COL17A1: variants seen among roughly 807,000 people sequenced by gnomAD.
The protein encoded by COL17A1 is collagen alpha-1(XVII) chain.
Under a neutral mutation model 218.4 loss-of-function variants are expected in COL17A1, and 181 were observed. The ratio of observed to expected loss-of-function variants is 0.83; its 90% confidence interval spans 0.73 to 0.94. The LOEUF is 0.94. COL17A1 is among the 40% of genes least tolerant of loss of function. The probability of loss-of-function intolerance (pLI) is 0.00; values close to 1 mark genes in which losing one functional copy is unlikely to be tolerated. For missense variants in COL17A1, 1,924 were observed against 1,945.9 expected, an observed-to-expected ratio of 0.99 and a Z score of 0.21; for synonymous variants, 721 against 731.0, an observed-to-expected ratio of 0.99 and a Z score of 0.22.
intron 55 of COL17A1, among the ~76,000 whole-genome samples, 181 bp from the exon 56 acceptor site, chr10:104,032,471 C>T (rs537205346): frequency 2.0e-5 from 3 of 152,260 alleles, no homozygotes; most frequent in African/African-American, 2.4e-5. Flanking sequence ...TCTCCTTTTC[C>T]TCCCTGCTTT....
Position 104,074,235 on chromosome 10 carries a change from G to A in COL17A1, c.332-4C>T, listed in dbSNP as rs1172193529. 1 of 1,614,198 alleles carries A rather than the reference G, an allele frequency of 6.2e-7. No homozygotes were observed. On this transcript the variant is annotated splice_region_variant and splice_polypyrimidine_tract_variant and intron_variant, in intron 5 of 55. Coordinates refer to ENST00000648076, the MANE Select transcript of COL17A1 (RefSeq NM_000494.4). ...GAAGAGTTGCCACTGGAGCTCCCTGGAGAGGGGATGAAACACTTAGAACAA... is the reference window on the plus strand; with the variant it reads ...GAAGAGTTGCCACTGGAGCTCCCTGAAGAGGGGATGAAACACTTAGAACAA...
In COL17A1 at chr10:104,033,477, A is replaced by T. The variant is rs191275076; in HGVS notation, c.4157-102T>A. On this transcript the variant is annotated intron_variant, in intron 52 of 55. Transcript: ENST00000648076. ...GAGTGTCAAACTCCCAAAGCAGTTG[A>T]ACTAGATCAAGCCGCAGCAAGGGTG... is the stretch of plus-strand genomic sequence containing the variant. The T allele has an allele frequency of 2.3e-4, 325 of 1,395,618 alleles. 2 individuals carry two copies. In the East Asian group the frequency reaches 5.4e-3, roughly 23 times the overall value. 86.5% of individuals were successfully genotyped at this position (1,395,618 alleles called of 1,614,324 possible). A position where few individuals can be genotyped will look rare whatever the true frequency, so the allele number is the denominator to read the frequency against.
At position 104,050,855 on chromosome 10, in the gene COL17A1, A is replaced by C; in HGVS notation, c.2085T>G (p.Gly695=). 1.2e-6 allele frequency: 2 copies of C among 1,613,972 alleles called. No homozygotes were observed. The highest frequency in any genetic ancestry group is 1.7e-6 in the Non-Finnish European group (2 of 1,180,026). The stretch of plus-strand genomic sequence containing the variant: ...GGCCTCCCTCCAGCTTACCTTTGAC[A>C]CCAGGAAGTCCTACTTCACCTCGGA... ...QGLRGEVGLP[G]VKGDKGPMGP... The change falls in exon 26 of 56, where the codon GGT becomes GGG. Residue 695 remains glycine (G), a synonymous_variant. Transcript: ENST00000648076.
chr10:104,035,625 G>A, intron 48 of COL17A1, 62 bp from the exon 49 acceptor site: 1 of 1,331,378 alleles, frequency 7.5e-7, no homozygotes. Context: ...TGTCAGAGAG[G>A]AGGTCGGATA....
intron 17 of COL17A1, among the ~76,000 whole-genome samples, chr10:104,056,229 G>A (rs1307047412): frequency 1.3e-5 from 2 of 152,228 alleles, no homozygotes; most frequent in Non-Finnish European, 2.9e-5. Context: ...CTTCTCATCT[G>A]AGCTGGGTGA....
In COL17A1 at chr10:104,070,691, T is replaced by A. The variant is rs2086662264; in HGVS notation, c.464-122A>T. 3.8e-6 allele frequency: 6 copies of A among 1,597,392 alleles called. No individual in the cohort carries two copies. In the Admixed American group the frequency reaches 8.5e-5, roughly 22 times the overall value. On this transcript the variant is annotated intron_variant, in intron 8 of 55. Transcript: ENST00000648076. ...GGAGAATGGCATCTGCCTCACACAT[T>A]GGAACTTTTTGCTTGGCTTTATAAT...
At chr10:104,040,716 C>T (rs1421131648) in intron 39 of COL17A1, among the ~76,000 whole-genome samples, 1 of 152,100 alleles carries the variant, frequency 6.6e-6, no homozygotes, top group East Asian at 1.9e-4. Flanking sequence ...AAAGTTATTT[C>T]CACAAGTTTC....
At chr10:104,082,043 C>A (rs1355118077) in intron 1 of COL17A1, among the ~76,000 whole-genome samples, 1 of 152,194 alleles carries the variant, frequency 6.6e-6, no homozygotes, top group African/African-American at 2.4e-5. Flanking sequence ...ACCAGCTGAT[C>A]AACGATCTGG....
intron 29 of COL17A1, 42 bp downstream of exon 29, chr10:104,049,367 C>T (rs746799788): frequency 3.1e-6 from 5 of 1,595,706 alleles, no homozygotes; most frequent in Non-Finnish European, 4.3e-6. Context: ...GGTGACCCCT[C>T]AGATGGGGAA....
intron 47 of COL17A1, 106 bp from the exon 48 acceptor site, chr10:104,036,738 C>T: frequency 7.2e-7 from 1 of 1,394,584 alleles, no homozygotes; most frequent in Non-Finnish European, 9.9e-7. Context: ...TCCTGCGTGA[C>T]ATTTGTGAGT....
chr10:104,050,735 C>T, intron 26 of COL17A1, 79 bp from the exon 27 acceptor site: 2 of 1,614,138 alleles, frequency 1.2e-6, no homozygotes, highest in Non-Finnish European at 1.7e-6. Context: ...TCTCTGAAGA[C>T]AGGCTCCCTC....
In COL17A1 at chr10:104,062,720, C is replaced by T. The variant is rs181247595; in HGVS notation, c.839-391G>A. On this transcript the variant is annotated intron_variant, in intron 11 of 55. Coordinates refer to ENST00000648076, the MANE Select transcript of COL17A1 (RefSeq NM_000494.4). ...TAAGCTTAGGATATGGACACAGACA[C>T]CTCGGGTGCTGAGAGGCACTAACTT... Among the ~76,000 whole-genome samples the T allele has an allele frequency of 5.3e-5, 8 of 152,304 alleles. No homozygotes were observed. The East Asian group carries it at 1.5e-3, about 29-fold the overall frequency.
chr10:104,071,962 A>G, intron 8 of COL17A1, 70 bp downstream of exon 8: 1 of 1,603,576 alleles, frequency 6.2e-7, no homozygotes, highest in South Asian at 1.1e-5. Flanking sequence ...GCATGCACAC[A>G]CACACACACA....
chr10:104,032,350 G>T, intron 55 of COL17A1, 60 bp from the exon 56 acceptor site: 1 of 1,489,480 alleles, frequency 6.7e-7, no homozygotes, highest in Non-Finnish European at 9.4e-7. Context: ...GGGGATCTTG[G>T]CTTGGGCAAT....
At position 104,055,076 on chromosome 10, in the gene COL17A1, T is replaced by C. The variant is rs1305753253; in HGVS notation, c.1718-69A>G. 3.7e-6 allele frequency: 6 copies of C among 1,605,724 alleles called. No individual in the cohort carries two copies. The African/African-American group carries it at 6.7e-5, about 18-fold the overall frequency. On this transcript the variant is annotated intron_variant, in intron 19 of 55. Transcript: ENST00000648076. ...CCAAAGGCCATACTCTGCCTTGTAT[T>C]TTAAAACCATTTGACAAGATGTAAA...
intron 5 of COL17A1, among the ~76,000 whole-genome samples, chr10:104,074,826 G>A (rs2086696759): frequency 6.6e-6 from 1 of 152,110 alleles, no homozygotes; most frequent in African/African-American, 2.4e-5. Context: ...AGAGTGTCTG[G>A]GCCTTACTCC....
rs1291236764 is a variant in COL17A1, at chr10:104,032,137, A to T, written c.*98T>A. ...AGGTTGGCTGTGCTGTCTCAGTAGG[A>T]CATTGACAGACTCCAGCTTTCACCC... On this transcript the variant is annotated 3_prime_UTR_variant, in exon 56 of 56. Coordinates refer to ENST00000648076, the MANE Select transcript of COL17A1 (RefSeq NM_000494.4). 2.2e-6 allele frequency: 2 copies of T among 903,058 alleles called. No homozygotes were observed. Among genetic ancestry groups the T allele is most frequent in the Admixed American group, 3.6e-5 (2 of 55,706 alleles). The allele number at this position is 903,058 out of a possible 1,614,324, so 55.9% of individuals were successfully genotyped here. A position where few individuals can be genotyped will look rare whatever the true frequency, so the allele number is the denominator to read the frequency against.
chr10:104,052,737 C>T (rs1019258064), intron 23 of COL17A1, among the ~76,000 whole-genome samples: 4 of 152,172 alleles, frequency 2.6e-5, no homozygotes, highest in Admixed American at 1.3e-4. Flanking sequence ...AGCCCCACCT[C>T]GGCCTGACTC....
chr10:104,049,332 A>G (rs2086444380), intron 29 of COL17A1, 77 bp downstream of exon 29: 3 of 1,346,714 alleles, frequency 2.2e-6, no homozygotes, highest in African/African-American at 1.4e-5. Flanking sequence ...AGGCAGCTCT[A>G]GAAGACGGAT....
Sources: allele counts gnomAD v4.1 joint callset (sites outside exome capture counted in the v4.1 genomes callset), GRCh38; gene constraint gnomAD v4.1.1; transcripts MANE v1.5; gene names NCBI Gene and HGNC (gene_info 2026-07-23, HGNC 2026-07-21).